The following SNX30 variants were observed in gnomAD, a reference collection of about 807,000 sequenced individuals.
SNX30 encodes sorting nexin family member 30.
SNX30 carries 24 observed loss-of-function variants against 46.4 expected under a neutral mutation model. The ratio of observed to expected loss-of-function variants is 0.52; its 90% CI spans 0.37 to 0.73. The LOEUF (loss-of-function observed/expected upper bound fraction) is 0.73, where lower values mean the gene tolerates loss of function less well. Ranked by LOEUF, SNX30 falls within the 30% of genes least tolerant of loss-of-function variation. SNX30 has a pLI of 0.00. For synonymous variants in SNX30, 189 were observed against 211.5 expected (o/e 0.89, Z 0.92); for missense variants, 533 against 555.7 (o/e 0.96, Z 0.41).
chr9:112,864,252 G>C lies in SNX30; in HGVS notation c.1107G>C (p.Pro369=). Reference sequence around the variant, plus strand: ...TGTGTGCCTCCCTTTTCCAGGTACCGGCGGACGTCGAGAAATGTCAGGATC... The same window carrying C: ...TGTGTGCCTCCCTTTTCCAGGTACCCGCGGACGTCGAGAAATGTCAGGATC... ...ALRKEDRPKV[P]ADVEKCQDRM... The change falls in exon 8 of 9, where the codon CCG becomes CCC. Residue 369 remains proline (P), a synonymous_variant. Coordinates refer to ENST00000374232, the MANE Select transcript of SNX30 (RefSeq NM_001012994.2). 1 of 1,613,914 alleles carries C rather than the reference G, an allele frequency of 6.2e-7. No homozygotes were observed. Among genetic ancestry groups the C allele is most frequent in the Non-Finnish European group, 8.5e-7 (1 of 1,179,972 alleles).
chr9:112,797,873 ATTT>A (rs55871515), intron 1 of SNX30, among the ~76,000 whole-genome samples: 4 of 121,946 alleles, frequency 3.3e-5, no homozygotes, highest in African/African-American at 6.2e-5. Flanking sequence ...TAATATTGGT[ATTT>A]TTTTTTTTTT....
At chr9:112,841,165 A>T (rs2131464898) in intron 6 of SNX30, among the ~76,000 whole-genome samples, 1 of 152,358 alleles carries the variant, frequency 6.6e-6, no homozygotes, top group East Asian at 1.9e-4. Context: ...TAACCTTGCC[A>T]GATGAAAAAT....
At chr9:112,833,717 C>G (rs1840705691) in intron 4 of SNX30, among the ~76,000 whole-genome samples, 1 of 152,156 alleles carries the variant, frequency 6.6e-6, no homozygotes, top group Non-Finnish European at 1.5e-5. Context: ...GTCCAGCGAG[C>G]CCATTTGACT....
intron 3 of SNX30, among the ~76,000 whole-genome samples, chr9:112,823,346 A>C (rs1453689129): frequency 6.6e-6 from 1 of 152,208 alleles, no homozygotes; most frequent in Non-Finnish European, 1.5e-5. Context: ...GGAACAACTT[A>C]TTTATGTTTT....
intron 1 of SNX30, among the ~76,000 whole-genome samples, chr9:112,754,481 C>T (rs1037642518): frequency 1.4e-5 from 2 of 145,370 alleles, no homozygotes; most frequent in South Asian, 2.3e-4. Context: ...TGCAGTCTCA[C>T]TGCAACCTTT....
At chr9:112,858,412 G>C (rs532622631) in intron 7 of SNX30, among the ~76,000 whole-genome samples, 1 of 152,134 alleles carries the variant, frequency 6.6e-6, no homozygotes, top group African/African-American at 2.4e-5. Flanking sequence ...CTACTCGGGA[G>C]GCTGAGGCAG....
intron 1 of SNX30, among the ~76,000 whole-genome samples, chr9:112,782,576 T>C (rs1204211910): frequency 6.6e-6 from 1 of 152,188 alleles, no homozygotes; most frequent in Non-Finnish European, 1.5e-5. Context: ...ATTTTTGCAT[T>C]TAGCATTAGA....
At chr9:112,777,642 T>C (rs2131371912) in intron 1 of SNX30, among the ~76,000 whole-genome samples, 1 of 129,576 alleles carries the variant, frequency 7.7e-6, no homozygotes, top group East Asian at 2.4e-4. Context: ...GAGATGGGTC[T>C]CACTATGTTG....
At position 112,817,401 on chromosome 9, in the gene SNX30, CTTTTTTTTTTTTTTTT is replaced by C. The variant is rs56856142; in HGVS notation, c.349-289_349-274del. ...CGGTAGGGAAAAAAAAAAAAACTGG[CTTTTTTTTTTTTTTTT>C]TTTTTTTTTTTTTTGAGACGGAGTC... On this transcript the variant is annotated intron_variant, in intron 2 of 8. Transcript: ENST00000374232. Among the ~76,000 whole-genome samples the C allele has an allele frequency of 5.0e-3, 235 of 46,846 alleles. 7 individuals carry two copies. The highest frequency in any genetic ancestry group is 0.02 in the African/African-American group (210 of 10,274). 30.7% of individuals were successfully genotyped at this position (46,846 alleles called of 152,430 possible).
At chr9:112,820,918 G>T (rs1031900553) in intron 3 of SNX30, among the ~76,000 whole-genome samples, 2 of 152,004 alleles carry the variant, frequency 1.3e-5, no homozygotes, top group African/African-American at 4.8e-5. Flanking sequence ...ACCACATTTT[G>T]TCTATTCACC....
At chr9:112,842,262 G>A (rs987394866) in intron 6 of SNX30, among the ~76,000 whole-genome samples, 1 of 152,208 alleles carries the variant, frequency 6.6e-6, no homozygotes, top group African/African-American at 2.4e-5. Flanking sequence ...TTCTTCATCA[G>A]CTGCTGAATG....
At chr9:112,764,518 G>T (rs1255239076) in intron 1 of SNX30, among the ~76,000 whole-genome samples, 1 of 152,118 alleles carries the variant, frequency 6.6e-6, no homozygotes, top group East Asian at 1.9e-4. Flanking sequence ...CTTGGACTGT[G>T]GGCATGTGTC....
intron 3 of SNX30, among the ~76,000 whole-genome samples, chr9:112,821,993 G>A (rs966068529): frequency 1.1e-4 from 17 of 151,894 alleles, no homozygotes; most frequent in African/African-American, 4.1e-4. Context: ...TGCCCAGGCT[G>A]GTCTTGAACT....
At chr9:112,774,162 C>CT (rs1196082971) in intron 1 of SNX30, among the ~76,000 whole-genome samples, 2 of 152,210 alleles carry the variant, frequency 1.3e-5, no homozygotes, top group Non-Finnish European at 2.9e-5. Context: ...ACTGGAGAGT[C>CT]TGTTGCATTT....
intron 7 of SNX30, among the ~76,000 whole-genome samples, chr9:112,864,004 A>T (rs1247009155): frequency 6.6e-6 from 1 of 152,232 alleles, no homozygotes; most frequent in Non-Finnish European, 1.5e-5. Context: ...TGTTTCCCCC[A>T]CGAGTCTCTG....
intron 1 of SNX30, among the ~76,000 whole-genome samples, chr9:112,784,402 C>T (rs1839888586): frequency 1.3e-5 from 2 of 152,176 alleles, no homozygotes; most frequent in Admixed American, 6.5e-5. Context: ...GATTGTTAAG[C>T]CTGTTATTTA....
At chr9:112,850,191 T>C (rs1052868986) in intron 6 of SNX30, among the ~76,000 whole-genome samples, 1 of 152,210 alleles carries the variant, frequency 6.6e-6, no homozygotes, top group Non-Finnish European at 1.5e-5. Flanking sequence ...TTGGGGCCCA[T>C]TGAGCCTTCA....
intron 1 of SNX30, among the ~76,000 whole-genome samples, chr9:112,753,050 TTC>T (rs1839300945): frequency 1.3e-5 from 2 of 152,206 alleles, no homozygotes; most frequent in Non-Finnish European, 2.9e-5. Flanking sequence ...CTCTGCTGTA[TTC>T]TGTTGGTCAC....
At chr9:112,846,883 C>A (rs945124138) in intron 6 of SNX30, among the ~76,000 whole-genome samples, 1 of 152,168 alleles carries the variant, frequency 6.6e-6, no homozygotes, top group Non-Finnish European at 1.5e-5. Context: ...TTTCCCCTCC[C>A]ATAGTTTGTG....
Sources: allele counts gnomAD v4.1 joint callset (sites outside exome capture counted in the v4.1 genomes callset), GRCh38; gene constraint gnomAD v4.1.1; transcripts MANE v1.5; gene names NCBI Gene and HGNC (gene_info 2026-07-23, HGNC 2026-07-21).